The following UGT1A10 variants were observed in gnomAD, a reference collection of about 807,000 sequenced individuals.
UGT1A10 encodes UDP glucuronosyltransferase family 1 member A10.
In UGT1A10, 49 loss-of-function variants were observed where a neutral mutation model predicts 45.8. That is an observed-to-expected ratio of 1.07 (90% CI 0.85 to 1.36). The LOEUF (loss-of-function observed/expected upper bound fraction) is 1.36, where lower values mean the gene tolerates loss of function less well. Among genes scored for constraint, UGT1A10 ranks in the 40% most tolerant of loss-of-function variants. The pLI is 0.00. For synonymous variants in UGT1A10, 284 were observed against 249.7 expected, an observed-to-expected ratio of 1.14 and a Z score of -1.29; for missense variants, 745 against 668.6, an observed-to-expected ratio of 1.11 and a Z score of -1.26.
In UGT1A10 at chr2:233,764,214, G is replaced by A. The variant is rs17864706; in HGVS notation, c.856-2820G>A. On this transcript the variant is annotated intron_variant, in intron 1 of 4. Transcript: ENST00000344644. ...GGGGCATCTCATCTTTTCTTTGAAG[G>A]GAATCAATGGTGGGGGATTGGAGTG... 2.6e-3 allele frequency among the ~76,000 whole-genome samples: 394 copies of A among 152,268 alleles called. 1 individual carries two copies. Among genetic ancestry groups the A allele is most frequent in the Non-Finnish European group, 3.9e-3 (266 of 68,024 alleles).
At chr2:233,661,924 A>G (rs2073979291) in intron 1 of UGT1A10, among the ~76,000 whole-genome samples, 1 of 152,088 alleles carries the variant, frequency 6.6e-6, no homozygotes, top group South Asian at 2.1e-4. Flanking sequence ...CTGTGAGATC[A>G]GTGTTTACTG....
intron 1 of UGT1A10, among the ~76,000 whole-genome samples, chr2:233,725,490 G>T (rs542689319): frequency 1.3e-5 from 2 of 151,958 alleles, no homozygotes; most frequent in Non-Finnish European, 2.9e-5. Context: ...CCAGCAAAAA[G>T]AAACCACTGA....
chr2:233,745,571 G>A (rs1471928952), intron 1 of UGT1A10, among the ~76,000 whole-genome samples: 1 of 151,668 alleles, frequency 6.6e-6, no homozygotes, highest in African/African-American at 2.4e-5. Flanking sequence ...ATAGCCTCTA[G>A]TGACATAACC....
chr2:233,678,990 A>G (rs914113792), intron 1 of UGT1A10, among the ~76,000 whole-genome samples: 2 of 152,218 alleles, frequency 1.3e-5, no homozygotes, highest in Non-Finnish European at 2.9e-5. Context: ...AGCTCTTTCT[A>G]TAATAACAGT....
chr2:233,730,291 G>T (rs962328046), intron 1 of UGT1A10, among the ~76,000 whole-genome samples: 2 of 152,200 alleles, frequency 1.3e-5, no homozygotes, highest in African/African-American at 4.8e-5. Context: ...CTTCATGGTT[G>T]TGCATGTCCT....
intron 4 of UGT1A10, chr2:233,771,400 G>A (rs1195716316): frequency 6.6e-6 from 1 of 152,152 alleles, no homozygotes; most frequent in Non-Finnish European, 1.5e-5. Flanking sequence ...ATTGGGCAAT[G>A]AACACTGTCC....
intron 1 of UGT1A10, 27 bp from the exon 2 acceptor site, chr2:233,767,007 A>T: frequency 6.2e-7 from 1 of 1,613,842 alleles, no homozygotes; most frequent in Non-Finnish European, 8.5e-7. Flanking sequence ...AGAAAAAATT[A>T]ACTGAAAATT....
intron 1 of UGT1A10, among the ~76,000 whole-genome samples, chr2:233,706,163 G>A (rs769337971): frequency 6.6e-6 from 1 of 152,200 alleles, no homozygotes; most frequent in East Asian, 1.9e-4. Context: ...CCTTCTAAAT[G>A]TGGAATGTGG....
chr2:233,665,987 T>C (rs1238218490), intron 1 of UGT1A10, among the ~76,000 whole-genome samples: 2 of 151,982 alleles, frequency 1.3e-5, no homozygotes, highest in Non-Finnish European at 2.9e-5. Context: ...ATACCTGAGG[T>C]TGGTTAATTT....
chr2:233,675,526 C>A (rs932255711), intron 1 of UGT1A10, among the ~76,000 whole-genome samples: 4 of 152,094 alleles, frequency 2.6e-5, no homozygotes, highest in African/African-American at 9.7e-5. Flanking sequence ...ATCTGTGCTT[C>A]CCCCCTTGCT....
At chr2:233,766,233 G>A (rs1441393259) in intron 1 of UGT1A10, among the ~76,000 whole-genome samples, 4 of 152,090 alleles carry the variant, frequency 2.6e-5, no homozygotes, top group African/African-American at 9.7e-5. Context: ...AATGGGAAGG[G>A]TTTCCCCTGG....
intron 1 of UGT1A10, chr2:233,753,774 T>C (rs1695305556): frequency 6.6e-6 from 1 of 152,238 alleles, no homozygotes; most frequent in Admixed American, 6.5e-5. Flanking sequence ...TTGGAAACGC[T>C]TTTCTTTACA....
chr2:233,651,397 T>C (rs566415538), intron 1 of UGT1A10, among the ~76,000 whole-genome samples: 1 of 152,328 alleles, frequency 6.6e-6, no homozygotes, highest in South Asian at 2.1e-4. Flanking sequence ...CATATATCAT[T>C]TTATATATTT....
intron 1 of UGT1A10, chr2:233,740,623 G>C (rs1691436478): frequency 6.6e-6 from 1 of 151,816 alleles, no homozygotes; most frequent in Non-Finnish European, 1.5e-5. Context: ...GGGGCTCACA[G>C]GGTCATGCCT....
At chr2:233,675,038 T>C (rs1053118583) in intron 1 of UGT1A10, among the ~76,000 whole-genome samples, 4 of 152,176 alleles carry the variant, frequency 2.6e-5, no homozygotes, top group African/African-American at 7.2e-5. Context: ...TTTGCACATG[T>C]ATGTGTTTGT....
At chr2:233,687,961 T>G (rs760793244) in intron 1 of UGT1A10, among the ~76,000 whole-genome samples, 4 of 152,220 alleles carry the variant, frequency 2.6e-5, no homozygotes, top group Non-Finnish European at 5.9e-5. Context: ...AATTGATATG[T>G]AATTCATGTA....
At chr2:233,678,335 C>G (rs7582907) in intron 1 of UGT1A10, among the ~76,000 whole-genome samples, 92,481 of 151,102 alleles carry the variant, frequency 0.61, 28,518 homozygotes, top group South Asian at 0.65. Flanking sequence ...AAGAGGAAGT[C>G]ATTCATCATA....
intron 1 of UGT1A10, chr2:233,761,233 T>C: frequency 6.2e-7 from 1 of 1,613,114 alleles, no homozygotes; most frequent in Non-Finnish European, 8.5e-7. Context: ...CCCAGATATA[T>C]GCTGAGCAAG....
In UGT1A10 at chr2:233,704,013, C is replaced by T. The variant is rs540350992; in HGVS notation, c.856-63021C>T. ...TCAAGCAGTTCTCCCACCTCAGCCG[C>T]CCGAGCAGCTGGAACTACAGGTGTG... On this transcript the variant is annotated intron_variant, in intron 1 of 4. Coordinates refer to ENST00000344644, the MANE Select transcript of UGT1A10 (RefSeq NM_019075.4). Among the ~76,000 whole-genome samples the T allele has an allele frequency of 9.2e-5, 14 of 152,132 alleles. No individual in the cohort carries two copies. The East Asian group carries it at 2.7e-3, about 29-fold the overall frequency.
Sources: gnomAD v4.1 joint callset for allele counts (sites outside exome capture counted in the v4.1 genomes callset) on GRCh38, gnomAD v4.1.1 for gene constraint, MANE v1.5 for transcripts, NCBI Gene and HGNC (gene_info 2026-07-23, HGNC 2026-07-21) for gene names.